SCP2: variants seen among roughly 807,000 people sequenced by gnomAD.
SCP2 encodes SCP-2/3-oxoacyl-CoA thiolase.
Under a neutral mutation model 71.4 loss-of-function variants are expected in SCP2, and 48 were observed. That is an observed-to-expected ratio of 0.67 (90% CI 0.53 to 0.86). SCP2 has a LOEUF of 0.86. SCP2 is among the 40% of genes least tolerant of loss of function. The pLI, the probability that SCP2 is intolerant of heterozygous loss-of-function variation, is 0.00. For missense variants in SCP2, 560 were observed against 655.6 expected (o/e 0.85, Z 1.59); for synonymous variants, 220 against 218.1 (o/e 1.01, Z -0.08).
chr1:52,927,396 C>T lies in SCP2; in HGVS notation c.-1C>T. Reference sequence around the variant, plus strand: ...CGCCCCGGTCCCGCACTGGTGCAGCCATGTCCTCTTCCCCGTGGGAGCCTG... The same window carrying T: ...CGCCCCGGTCCCGCACTGGTGCAGCTATGTCCTCTTCCCCGTGGGAGCCTG... On this transcript the variant is annotated 5_prime_UTR_variant, in exon 1 of 16. Coordinates refer to ENST00000371514, the MANE Select transcript of SCP2 (RefSeq NM_002979.5). The T allele has an allele frequency of 1.3e-6, 2 of 1,589,940 alleles. No homozygotes were observed. The highest frequency in any genetic ancestry group is 1.7e-6 in the Non-Finnish European group (2 of 1,169,380).
At chr1:52,952,334 T>C (rs1189551756) in intron 4 of SCP2, among the ~76,000 whole-genome samples, 1 of 152,132 alleles carries the variant, frequency 6.6e-6, no homozygotes, top group African/African-American at 2.4e-5. Context: ...AATATTCCAT[T>C]GTATGGATAT....
rs772952177 is a variant in SCP2 at position 52,948,072 on chromosome 1, A to T, written c.191A>T (p.Tyr64Phe). 6.2e-7 allele frequency: 1 copy of T among 1,609,048 alleles called. No homozygotes were observed. The highest frequency in any genetic ancestry group is 8.5e-7 in the Non-Finnish European group (1 of 1,175,408). Residue 64 changes from tyrosine (Y) to phenylalanine (F), a missense_variant, in exon 3 of 16, where the codon TAT becomes TTT. Around this residue, in one of 3 missense-constraint regions of SCP2, gnomAD observed 513 missense variants for 573.1 expected, o/e 0.90. Coordinates refer to ENST00000371514, the MANE Select transcript of SCP2 (RefSeq NM_002979.5). ...YSAVDQACVG[Y>F]VFGDSTCGQR... is the part of the protein sequence containing the mutation. Reference sequence around the variant, plus strand: ...GCAGTGGACCAGGCATGTGTTGGCTATGTTTTTGGTATGTATTAAACTGTG... The same window carrying T: ...GCAGTGGACCAGGCATGTGTTGGCTTTGTTTTTGGTATGTATTAAACTGTG...
intron 11 of SCP2, among the ~76,000 whole-genome samples, chr1:52,990,287 G>A (rs1383815137): frequency 6.6e-6 from 1 of 151,856 alleles, no homozygotes; most frequent in African/African-American, 2.4e-5. Flanking sequence ...AGAAAGACAT[G>A]CAGATAAACA....
chr1:53,023,892 A>G (rs533752847), intron 12 of SCP2, among the ~76,000 whole-genome samples: 2 of 152,168 alleles, frequency 1.3e-5, no homozygotes, highest in South Asian at 4.2e-4. Flanking sequence ...TTTGCCTTAT[A>G]CTTTGTTGAG....
At chr1:53,046,348 A>T (rs72905119) in intron 14 of SCP2, among the ~76,000 whole-genome samples, 16,739 of 139,782 alleles carry the variant, frequency 0.12, 1,727 homozygotes, top group African/African-American at 0.29. Context: ...TTTTTTTTTT[A>T]AATTTCAGCC....
intron 1 of SCP2, among the ~76,000 whole-genome samples, chr1:52,932,274 C>T (rs574191632): frequency 1.3e-5 from 2 of 152,190 alleles, no homozygotes; most frequent in Admixed American, 6.5e-5. Flanking sequence ...ATATCAGAAC[C>T]GTAGCATTAG....
At chr1:52,971,517 G>A (rs974204262) in intron 6 of SCP2, among the ~76,000 whole-genome samples, 9 of 152,168 alleles carry the variant, frequency 5.9e-5, no homozygotes, top group African/African-American at 2.2e-4. Context: ...CAGATTAACA[G>A]GAGAAAAGGC....
In SCP2 at chr1:53,026,131, T is replaced by C. The variant is rs559622583; in HGVS notation, c.1236-1838T>C. On this transcript the variant is annotated intron_variant, in intron 12 of 15. Transcript: ENST00000371514. ...TAAATTTAAAATTATTTTTTATTGA[T>C]GCATAACTGATGTACATAGTCTCAG... Among the ~76,000 whole-genome samples the C allele has an allele frequency of 2.6e-5, 4 of 152,340 alleles. No individual in the cohort carries two copies. The East Asian group carries it at 5.8e-4, about 22-fold the overall frequency.
chr1:52,957,586 C>T (rs1655941528), intron 5 of SCP2, among the ~76,000 whole-genome samples: 1 of 152,212 alleles, frequency 6.6e-6, no homozygotes, highest in African/African-American at 2.4e-5. Context: ...GAACACCTTT[C>T]CTGATTAGAA....
At chr1:52,969,854 G>A (rs1259167987) in intron 6 of SCP2, among the ~76,000 whole-genome samples, 1 of 146,606 alleles carries the variant, frequency 6.8e-6, no homozygotes, top group Non-Finnish European at 1.5e-5. Context: ...CAAAAAAAGT[G>A]GCCTTTTGTG....
chr1:53,025,534 C>G (rs975976441), intron 12 of SCP2, among the ~76,000 whole-genome samples: 1 of 152,176 alleles, frequency 6.6e-6, no homozygotes, highest in Non-Finnish European at 1.5e-5. Context: ...TCCTTGTCCT[C>G]GTAATGGCCT....
intron 5 of SCP2, among the ~76,000 whole-genome samples, chr1:52,959,517 A>T (rs1485450605): frequency 1.3e-5 from 2 of 149,216 alleles, no homozygotes; most frequent in South Asian, 2.1e-4. Flanking sequence ...TTTAAAAAAT[A>T]TTTTTTTTTT....
At chr1:53,007,856 G>T (rs551185101) in intron 11 of SCP2, among the ~76,000 whole-genome samples, 43 of 152,080 alleles carry the variant, frequency 2.8e-4, no homozygotes, top group Non-Finnish European at 5.1e-4. Context: ...TTTTTGAAGC[G>T]ATCAACAAAA....
chr1:52,965,715 A>G (rs1656890798), intron 6 of SCP2, among the ~76,000 whole-genome samples: 1 of 151,964 alleles, frequency 6.6e-6, no homozygotes, highest in African/African-American at 2.4e-5. Flanking sequence ...GCTTACTGCA[A>G]TCTCCATCTC....
intron 12 of SCP2, among the ~76,000 whole-genome samples, chr1:53,016,546 G>A (rs1018664736): frequency 2.0e-5 from 3 of 152,150 alleles, no homozygotes; most frequent in Admixed American, 6.5e-5. Flanking sequence ...AAGCTCAGAG[G>A]AAGAAATTAT....
intron 12 of SCP2, among the ~76,000 whole-genome samples, chr1:53,017,779 A>G (rs1661434253): frequency 6.6e-6 from 1 of 152,242 alleles, no homozygotes; most frequent in African/African-American, 2.4e-5. Flanking sequence ...GACAACAAGA[A>G]GCAATACAGA....
At chr1:52,953,495 G>A (rs1298419220) in intron 4 of SCP2, among the ~76,000 whole-genome samples, 3 of 151,874 alleles carry the variant, frequency 2.0e-5, no homozygotes, top group African/African-American at 4.8e-5. Flanking sequence ...ATAGGCGTGC[G>A]CCACCATACC....
intron 11 of SCP2, among the ~76,000 whole-genome samples, chr1:52,999,247 C>A (rs17107544): frequency 0.14 from 21,644 of 152,224 alleles, 2,270 homozygotes; most frequent in East Asian, 0.32. Flanking sequence ...TGCCCCAAGA[C>A]AGAATTCAGA....
At chr1:52,978,100 C>G (rs1572126714) in intron 8 of SCP2, 117 bp from the exon 9 acceptor site, 2 of 884,076 alleles carry the variant, frequency 2.3e-6, no homozygotes, top group Admixed American at 3.9e-5. Context: ...ACAAAGAAGA[C>G]AATCCACTGA....
Sources: gnomAD v4.1 joint callset for allele counts (sites outside exome capture counted in the v4.1 genomes callset) on GRCh38, gnomAD v4.1.1 for gene constraint, gnomAD v4.1.1 regional missense constraint, MANE v1.5 for transcripts, NCBI Gene and HGNC (gene_info 2026-07-23, HGNC 2026-07-21) for gene names.